CADM1: variants seen among roughly 807,000 people sequenced by gnomAD.
CADM1 encodes the protein TSLC-1.
A neutral mutation model predicts 53.1 loss-of-function variants in CADM1; 15 were observed. The observed-to-expected ratio is 0.28, with a 90% CI of 0.19 to 0.44. The LOEUF is 0.44. Ranked by LOEUF, CADM1 falls within the 20% of genes least tolerant of loss-of-function variation. The pLI, the probability that CADM1 is intolerant of heterozygous loss-of-function variation, is 1.00. For missense variants in CADM1, 434 were observed against 611.3 expected (o/e 0.71, Z 3.06); for synonymous variants, 281 against 243.0 (o/e 1.16, Z -1.45).
intron 1 of CADM1, among the ~76,000 whole-genome samples, chr11:115,347,359 T>C (rs895553444): frequency 6.6e-6 from 1 of 152,104 alleles, no homozygotes; most frequent in African/African-American, 2.4e-5. Context: ...GTGTGTGCAA[T>C]ATGTTGTTTT....
intron 1 of CADM1, among the ~76,000 whole-genome samples, chr11:115,330,726 G>A (rs1462448272): frequency 6.6e-6 from 1 of 152,166 alleles, no homozygotes; most frequent in Non-Finnish European, 1.5e-5. Context: ...GCATGTAGAC[G>A]TCTTTGCAGA....
At chr11:115,304,846 T>C (rs1944322836) in intron 1 of CADM1, among the ~76,000 whole-genome samples, 1 of 152,052 alleles carries the variant, frequency 6.6e-6, no homozygotes, top group African/African-American at 2.4e-5. Flanking sequence ...TTTTTGTCCT[T>C]GATTTTGGAG....
At chr11:115,450,596 G>A (rs887697144) in intron 1 of CADM1, among the ~76,000 whole-genome samples, 3 of 152,086 alleles carry the variant, frequency 2.0e-5, no homozygotes, top group African/African-American at 7.2e-5. Context: ...CTTTGATTTG[G>A]TACATGAGAA....
chr11:115,473,416 G>A (rs1022238522), intron 1 of CADM1, among the ~76,000 whole-genome samples: 18 of 152,248 alleles, frequency 1.2e-4, no homozygotes, highest in South Asian at 4.2e-4. Context: ...CCATTATGCC[G>A]CCACTGCACT....
At chr11:115,433,699 A>G (rs1481578241) in intron 1 of CADM1, among the ~76,000 whole-genome samples, 1 of 152,158 alleles carries the variant, frequency 6.6e-6, no homozygotes, top group Non-Finnish European at 1.5e-5. Context: ...CCCACTTCCC[A>G]TATTAGAATA....
intron 1 of CADM1, among the ~76,000 whole-genome samples, chr11:115,306,285 G>C (rs897028223): frequency 5.3e-5 from 8 of 151,980 alleles, no homozygotes; most frequent in Non-Finnish European, 1.0e-4. Flanking sequence ...CATGCGTACA[G>C]GTTTGTAGCG....
chr11:115,209,522 A>G, intron 8 of CADM1, 52 bp downstream of exon 8: 1 of 1,610,782 alleles, frequency 6.2e-7, no homozygotes, highest in South Asian at 1.1e-5. Flanking sequence ...TATACATACC[A>G]GAAAGACAAT....
chr11:115,184,758 G>A (rs1238090979), intron 10 of CADM1, among the ~76,000 whole-genome samples: 1 of 152,198 alleles, frequency 6.6e-6, no homozygotes, highest in Non-Finnish European at 1.5e-5. Flanking sequence ...AAGGAAAACT[G>A]CAGTGATCAT....
chr11:115,410,632 G>A (rs550929557), intron 1 of CADM1, among the ~76,000 whole-genome samples: 82 of 152,250 alleles, frequency 5.4e-4, no homozygotes, highest in African/African-American at 1.9e-3. Context: ...AAAGCAGAAA[G>A]GTGCTCTTCG....
intron 8 of CADM1, among the ~76,000 whole-genome samples, chr11:115,200,423 T>A (rs1442458028): frequency 6.6e-6 from 1 of 152,214 alleles, no homozygotes; most frequent in South Asian, 2.1e-4. Context: ...TCGGCTCCTT[T>A]CCAAAATTAC....
intron 1 of CADM1, among the ~76,000 whole-genome samples, chr11:115,463,981 T>TA (rs1948846407): frequency 1.3e-5 from 2 of 152,194 alleles, no homozygotes; most frequent in South Asian, 4.1e-4. Flanking sequence ...CAAGAAATGC[T>TA]ATATTATCCC....
chr11:115,411,640 A>G (rs1420728106), intron 1 of CADM1, among the ~76,000 whole-genome samples: 1 of 152,168 alleles, frequency 6.6e-6, no homozygotes, highest in Non-Finnish European at 1.5e-5. Context: ...GTGGCCAAAG[A>G]AAGTGGAAAT....
intron 1 of CADM1, among the ~76,000 whole-genome samples, chr11:115,254,593 C>CACACACAGAGAG (rs1491508599): frequency 2.1e-4 from 28 of 136,418 alleles, no homozygotes; most frequent in African/African-American, 7.9e-4. Context: ...CACACACACA[C>CACACACAGAGAG]AGAGACAACA....
chr11:115,238,036 G>A (rs964878493), intron 3 of CADM1, among the ~76,000 whole-genome samples: 19 of 151,652 alleles, frequency 1.3e-4, no homozygotes, highest in Admixed American at 4.6e-4. Flanking sequence ...AAACAAGGCC[G>A]TAAGTCAAGC....
chr11:115,478,534 T>A (rs2135404963), intron 1 of CADM1, among the ~76,000 whole-genome samples: 1 of 152,280 alleles, frequency 6.6e-6, no homozygotes, highest in South Asian at 2.1e-4. Context: ...TTTCAACTGA[T>A]CTTTTTAGAC....
intron 1 of CADM1, among the ~76,000 whole-genome samples, chr11:115,451,852 G>A (rs1196741063): frequency 1.3e-5 from 2 of 152,032 alleles, no homozygotes; most frequent in Non-Finnish European, 2.9e-5. Context: ...ATTACACTCA[G>A]GAAACCATCA....
intron 1 of CADM1, among the ~76,000 whole-genome samples, chr11:115,342,724 A>G (rs1336916620): frequency 6.6e-6 from 1 of 152,116 alleles, no homozygotes; most frequent in East Asian, 1.9e-4. Flanking sequence ...CCCTTTTCAA[A>G]GATATATCTC....
At chr11:115,395,470 T>G (rs1946972278) in intron 1 of CADM1, among the ~76,000 whole-genome samples, 1 of 152,142 alleles carries the variant, frequency 6.6e-6, no homozygotes, top group Non-Finnish European at 1.5e-5. Context: ...TGAAAAAAAA[T>G]CATTATAGAG....
At chr11:115,232,664 A>AATG (rs1199508525) in intron 3 of CADM1, among the ~76,000 whole-genome samples, 4 of 152,088 alleles carry the variant, frequency 2.6e-5, no homozygotes, top group Admixed American at 1.3e-4. Context: ...TGATGGTGAC[A>AATG]ATGATGATGA....
Sources: allele counts gnomAD v4.1 joint callset (sites outside exome capture counted in the v4.1 genomes callset), GRCh38; gene constraint gnomAD v4.1.1; transcripts MANE v1.5; gene names NCBI Gene and HGNC (gene_info 2026-07-23, HGNC 2026-07-21).